Variants in TBX1 observed in about 807,000 individuals in gnomAD.
TBX1 encodes T-box transcription factor TBX1.
TBX1 carries 16 observed loss-of-function variants against 40.8 expected under a neutral mutation model. That is an observed-to-expected ratio of 0.39 (90% CI 0.27 to 0.60). The LOEUF is 0.60. Ranked by LOEUF, TBX1 falls within the 20% of genes least tolerant of loss-of-function variation. The pLI, the probability that TBX1 is intolerant of heterozygous loss-of-function variation, is 0.51. For synonymous variants in TBX1, 403 were observed against 336.8 expected (o/e 1.20, Z -2.15); for missense variants, 755 against 728.5 (o/e 1.04, Z -0.42).
rs1936879904 is a variant in TBX1 at position 19,766,891 on chromosome 22, C to T, written c.*24C>T. The T allele has an allele frequency of 4.4e-6, 7 of 1,583,242 alleles. No homozygotes were observed. The highest frequency in any genetic ancestry group is 5.1e-6 in the Non-Finnish European group (6 of 1,172,994). On this transcript the variant is annotated 3_prime_UTR_variant, in exon 7 of 7. Coordinates refer to ENST00000649276, the MANE Select transcript of TBX1 (RefSeq NM_001379200.1). ...AACACGGGCCCTGTCGCGCTCCCGCCCCGGTCCTGCACAGCCCCGAAGTTC... is the reference window on the plus strand; with the variant it reads ...AACACGGGCCCTGTCGCGCTCCCGCTCCGGTCCTGCACAGCCCCGAAGTTC...
chr22:19,777,065 T>G (rs928343847), intron 8 of TBX1, among the ~76,000 whole-genome samples: 2 of 137,724 alleles, frequency 1.5e-5, no homozygotes, highest in African/African-American at 5.3e-5. Context: ...TAATTTAATA[T>G]AATTTAATTA....
downstream of TBX1, among the ~76,000 whole-genome samples, chr22:19,781,517 G>A (rs1243788179): frequency 6.6e-6 from 1 of 152,034 alleles, no homozygotes; most frequent in Non-Finnish European, 1.5e-5. Context: ...TGTTGATGGT[G>A]TCTTTTGATG....
chr22:19,759,590 T>G (rs1936573880), upstream of TBX1: 15 of 1,604,962 alleles, frequency 9.3e-6, no homozygotes, highest in South Asian at 1.6e-4. Flanking sequence ...CCACCAGGGC[T>G]CAGGGTCCTC....
Position 19,761,048 on chromosome 22 carries a change from GC to G in TBX1, c.209del (p.Pro70ArgfsTer41). The G allele has an allele frequency of 1.1e-6, 1 of 895,776 alleles. No individual in the cohort carries two copies. Among genetic ancestry groups the G allele is most frequent in the South Asian group, 5.0e-5 (1 of 20,166 alleles). 55.5% of individuals were successfully genotyped at this position (895,776 alleles called of 1,614,324 possible). A position where few individuals can be genotyped will look rare whatever the true frequency, so the allele number is the denominator to read the frequency against. ...CCCGTGCGCCGCCGCCGCCCCCGGCGCCCCGGGCCCGCCGCCGCCGCCGCAC... is the reference window on the plus strand; with the variant it reads ...CCCGTGCGCCGCCGCCGCCCCCGGCGCCCGGGCCCGCCGCCGCCGCCGCAC... ...YDPCAAAAPGAPGPPPPPHAY... is the reference protein window; with the variant it reads ...YDPCAAAAPGXPGPPPPPHAY... On this transcript the variant is annotated frameshift_variant, in exon 1 of 7. Coordinates refer to ENST00000649276, the MANE Select transcript of TBX1 (RefSeq NM_001379200.1). LOFTEE classifies it high-confidence loss of function.
At chr22:19,780,776 G>GTTT (rs564336679), downstream of TBX1, among the ~76,000 whole-genome samples, 4,074 of 118,534 alleles carry the variant, frequency 0.034, 448 homozygotes, top group African/African-American at 0.078. Context: ...CTTGTTTTCT[G>GTTT]TTTTTTTTTT....
upstream of TBX1, chr22:19,759,697 C>A: frequency 6.2e-7 from 1 of 1,611,616 alleles, no homozygotes; most frequent in Non-Finnish European, 8.5e-7. Context: ...CAGGCCGTGT[C>A]TACACTGGCC....
At position 19,766,821 on chromosome 22, in the gene TBX1, C is replaced by A; in HGVS notation, c.1469C>A (p.Ser490Ter). The change falls in exon 7 of 7, where the codon TCG becomes TAG. Residue 490 changes from serine to a stop codon, truncating the protein, a stop_gained. Transcript: ENST00000649276. LOFTEE classifies it high-confidence loss of function. ...AAAAAANMYS[S>*]AGAAPPGSYD... Reference sequence around the variant, plus strand: ...GCCGCGGCCGCCAACATGTACTCGTCGGCCGGAGCCGCGCCGCCCGGCTCC... The same window carrying A: ...GCCGCGGCCGCCAACATGTACTCGTAGGCCGGAGCCGCGCCGCCCGGCTCC... The A allele has an allele frequency of 6.4e-7, 1 of 1,561,254 alleles. No homozygotes were observed. The highest frequency in any genetic ancestry group is 8.6e-7 in the Non-Finnish European group (1 of 1,164,918).
At chr22:19,767,759 G>A (rs1293040691), downstream of TBX1, among the ~76,000 whole-genome samples, 1 of 152,262 alleles carries the variant, frequency 6.6e-6, no homozygotes, top group African/African-American at 2.4e-5. Context: ...CTGGGAAGAA[G>A]GGTCATGACA....
At position 19,761,201 on chromosome 22, in the gene TBX1, A is replaced by G; in HGVS notation, c.358A>G (p.Ser120Gly). Reference protein sequence around the residue: ...VKKNAKVAGVSVQLEMKALWD... With the variant: ...VKKNAKVAGVGVQLEMKALWD... Reference sequence around the variant, plus strand: ...GAAGAACGCGAAGGTGGCCGGTGTGAGCGTGCAGCTAGAGATGAAGGCGCT... The same window carrying G: ...GAAGAACGCGAAGGTGGCCGGTGTGGGCGTGCAGCTAGAGATGAAGGCGCT... The change falls in exon 1 of 7, where the codon AGC becomes GGC. Residue 120 changes from serine to glycine, a missense_variant. Coordinates refer to ENST00000649276, the MANE Select transcript of TBX1 (RefSeq NM_001379200.1). The G allele has an allele frequency of 6.4e-7, 1 of 1,561,418 alleles. No individual in the cohort carries two copies. The highest frequency in any genetic ancestry group is 8.7e-7 in the Non-Finnish European group (1 of 1,152,280).
downstream of TBX1, among the ~76,000 whole-genome samples, chr22:19,780,546 G>T (rs2145852767): frequency 6.6e-6 from 1 of 152,320 alleles, no homozygotes; most frequent in Admixed American, 6.5e-5. Context: ...GCTCCCACCT[G>T]TTGGCTGCTG....
chr22:19,769,203 C>T (rs1046719490), downstream of TBX1, among the ~76,000 whole-genome samples: 4 of 152,242 alleles, frequency 2.6e-5, no homozygotes, highest in South Asian at 8.3e-4. Context: ...TCAGGTGACC[C>T]GCCTGCCTTG....
At chr22:19,765,682 T>G in intron 4 of TBX1, 76 bp from the exon 5 acceptor site, 1 of 1,532,892 alleles carries the variant, frequency 6.5e-7, no homozygotes, top group Non-Finnish European at 8.9e-7. Flanking sequence ...CTCCTAACAC[T>G]CCCCTATCCT....
Position 19,764,943 on chromosome 22 carries a change from C to G in TBX1, c.712-15C>G. 1 of 1,613,930 alleles carries G rather than the reference C, an allele frequency of 6.2e-7. No individual in the cohort carries two copies. The highest frequency in any genetic ancestry group is 8.5e-7 in the Non-Finnish European group (1 of 1,179,880). On this transcript the variant is annotated splice_polypyrimidine_tract_variant and intron_variant, in intron 3 of 6. Transcript: ENST00000649276. ...AGCCCCACCGCTGGAGCTGATTCCC[C>G]ACCTTGTCTTCCAGATTATTCTGAA... is the stretch of plus-strand genomic sequence containing the variant.
intron 2 of TBX1, 93 bp downstream of exon 2, chr22:19,763,435 A>C (rs1936732832): frequency 2.6e-6 from 3 of 1,175,946 alleles, no homozygotes; most frequent in Non-Finnish European, 3.8e-6. Flanking sequence ...GGTCGTCTGC[A>C]CCATGAAACT....
At chr22:19,762,380 G>C (rs1199902155) in intron 1 of TBX1, among the ~76,000 whole-genome samples, 2 of 152,262 alleles carry the variant, frequency 1.3e-5, no homozygotes, top group East Asian at 3.9e-4. Flanking sequence ...TGCTTGTGAG[G>C]GGAGGCAGAG....
intron 8 of TBX1, among the ~76,000 whole-genome samples, chr22:19,775,519 T>C (rs1002529859): frequency 6.6e-6 from 1 of 152,230 alleles, no homozygotes; most frequent in Non-Finnish European, 1.5e-5. Context: ...GCGGTGGTTT[T>C]TTAACAGGAG....
chr22:19,775,472 C>G (rs1160930924), intron 8 of TBX1, among the ~76,000 whole-genome samples: 1 of 152,196 alleles, frequency 6.6e-6, no homozygotes, highest in East Asian at 1.9e-4. Context: ...CCACTGCTAT[C>G]CATCTTGGAT....
At chr22:19,783,184 C>A, downstream of TBX1, 1 of 658,852 alleles carries the variant, frequency 1.5e-6, no homozygotes, top group Non-Finnish European at 2.8e-6. Context: ...AAATTCCCGA[C>A]CCACGGAGCC....
At position 19,773,535 on chromosome 22, in the gene TBX1, G is replaced by A. The variant is rs190373277; in HGVS notation, c.1010-5685G>A. ...TCCTTGGAGGACCCTCCCTCCAGGC[G>A]GCCAGCCAGAAGGGGCCATCTCCAG... On this transcript the variant is annotated intron_variant, in intron 8 of 8. Coordinates refer to the TBX1 transcript ENST00000329705. Among the ~76,000 whole-genome samples the A allele has an allele frequency of 2.4e-3, 361 of 152,286 alleles. 1 individual carries two copies. The highest frequency in any genetic ancestry group is 7.7e-3 in the African/African-American group (322 of 41,558).
Sources: gnomAD v4.1 joint callset for allele counts (sites outside exome capture counted in the v4.1 genomes callset) on GRCh38, gnomAD v4.1.1 for gene constraint, MANE v1.5 for transcripts, NCBI Gene and HGNC (gene_info 2026-07-23, HGNC 2026-07-21) for gene names.